Variants in INO80 observed in about 807,000 individuals in gnomAD.
The protein encoded by INO80 is chromatin-remodeling ATPase INO80.
Under a neutral mutation model 203.4 loss-of-function variants are expected in INO80, and 20 were observed. That is an observed-to-expected ratio of 0.10 (90% CI 0.07 to 0.14). INO80 has a LOEUF of 0.14. Among genes scored for constraint, INO80 ranks in the 10% least tolerant of loss-of-function variants. The pLI is 1.00. For missense variants in INO80, 1,419 were observed against 1,914.4 expected, an observed-to-expected ratio of 0.74 and a Z score of 4.83; for synonymous variants, 726 against 685.2, an observed-to-expected ratio of 1.06 and a Z score of -0.93.
intron 24 of INO80, among the ~76,000 whole-genome samples, chr15:41,032,297 A>G (rs2140492176): frequency 6.6e-6 from 1 of 152,354 alleles, no homozygotes; most frequent in East Asian, 1.9e-4. Flanking sequence ...GATACAGAGG[A>G]AAAAGTTTCA....
At chr15:41,105,405 A>G (rs539335032) in intron 1 of INO80, among the ~76,000 whole-genome samples, 2 of 152,266 alleles carry the variant, frequency 1.3e-5, no homozygotes, top group Non-Finnish European at 2.9e-5. Context: ...CAAATGTTTC[A>G]TATGTGTTTG....
intron 14 of INO80, among the ~76,000 whole-genome samples, chr15:41,065,106 T>G (rs965489587): frequency 5.3e-5 from 8 of 152,170 alleles, no homozygotes; most frequent in African/African-American, 1.9e-4. Context: ...TCAATAATTT[T>G]AAAAAGTAAA....
intron 29 of INO80, among the ~76,000 whole-genome samples, chr15:40,992,419 T>C (rs1163250312): frequency 6.6e-6 from 1 of 152,254 alleles, no homozygotes; most frequent in Non-Finnish European, 1.5e-5. Context: ...ACCATGTTTT[T>C]ACTAACCAAG....
At chr15:41,037,199 CTT>C (rs796785451) in intron 24 of INO80, among the ~76,000 whole-genome samples, 7 of 142,728 alleles carry the variant, frequency 4.9e-5, no homozygotes, top group Non-Finnish European at 3.1e-5. Flanking sequence ...CTTAATAGGA[CTT>C]TTTTTTTTTT....
chr15:40,998,310 C>T (rs2140428378), intron 28 of INO80, among the ~76,000 whole-genome samples: 1 of 152,064 alleles, frequency 6.6e-6, no homozygotes, highest in South Asian at 2.1e-4. Flanking sequence ...CGCGAGCCAC[C>T]GTGCGGGGCC....
At chr15:40,988,321 CTG>C (rs1201952924) in intron 29 of INO80, among the ~76,000 whole-genome samples, 1 of 152,126 alleles carries the variant, frequency 6.6e-6, no homozygotes, top group Admixed American at 6.5e-5. Context: ...AGAATTATCA[CTG>C]TTATTTGTGC....
intron 14 of INO80, 112 bp downstream of exon 14, chr15:41,069,458 C>G: frequency 3.3e-6 from 2 of 600,818 alleles, no homozygotes; most frequent in South Asian, 4.8e-5. Context: ...GTGTGAGCCC[C>G]CAAGTCCGGC....
chr15:41,069,523 A>C (rs184778436), intron 14 of INO80, 47 bp downstream of exon 14: 2 of 1,167,080 alleles, frequency 1.7e-6, no homozygotes, highest in South Asian at 2.7e-5. Context: ...AGAGTCAAAA[A>C]GTTTATTTTA....
intron 19 of INO80, among the ~76,000 whole-genome samples, chr15:41,051,089 A>C (rs547580010): frequency 9.7e-5 from 13 of 134,240 alleles, no homozygotes; most frequent in African/African-American, 3.5e-4. Context: ...AGATTGCACC[A>C]TTGCACTCCA....
chr15:41,099,679 G>A (rs1324438853), intron 1 of INO80, among the ~76,000 whole-genome samples: 2 of 151,964 alleles, frequency 1.3e-5, no homozygotes, highest in Non-Finnish European at 2.9e-5. Context: ...CCACTTGGGA[G>A]GCTGAGGAGG....
chr15:41,085,735 G>C (rs1446254859), intron 6 of INO80, 152 bp from the exon 7 acceptor site: 1 of 628,442 alleles, frequency 1.6e-6, no homozygotes, highest in Non-Finnish European at 2.8e-6. Context: ...AATATTCCTT[G>C]AGGAAGAAAA....
chr15:41,058,097 A>C (rs1395125269), intron 16 of INO80, among the ~76,000 whole-genome samples: 4 of 152,148 alleles, frequency 2.6e-5, no homozygotes, highest in African/African-American at 9.7e-5. Flanking sequence ...AGAGCATCCA[A>C]TCCACATAAC....
chr15:41,029,622 T>C (rs947743155), intron 24 of INO80, among the ~76,000 whole-genome samples: 3 of 152,210 alleles, frequency 2.0e-5, no homozygotes, highest in African/African-American at 7.2e-5. Context: ...TCTGACAGCT[T>C]TTCAATAACA....
chr15:41,042,293 G>A (rs2140513289), intron 24 of INO80, among the ~76,000 whole-genome samples: 1 of 151,506 alleles, frequency 6.6e-6, no homozygotes, highest in Middle Eastern at 3.4e-3. Flanking sequence ...GGATTACAAG[G>A]GTAAGCCACC....
intron 1 of INO80, among the ~76,000 whole-genome samples, chr15:41,115,055 AATTT>A (rs574357477): frequency 6.6e-5 from 10 of 152,234 alleles, no homozygotes; most frequent in Non-Finnish European, 1.2e-4. Context: ...GCTATTATTT[AATTT>A]AAGTTGCCAC....
rs192915375 is a variant in INO80 at position 41,015,869 on chromosome 15, C to T, written c.3402+219G>A. Among the ~76,000 whole-genome samples the T allele has an allele frequency of 1.4e-3, 202 of 148,926 alleles. 2 individuals are homozygous for T. Among genetic ancestry groups the T allele is most frequent in the African/African-American group, 5.0e-3 (201 of 40,480 alleles). On this transcript the variant is annotated intron_variant, in intron 27 of 35. Coordinates refer to ENST00000648947, the MANE Select transcript of INO80 (RefSeq NM_017553.3). ...GACTGGAGCAGAAGAATTCCTTGAACCTGGAAGGCAGAGGTTGCAGAGCCG... is the reference window on the plus strand; with the variant it reads ...GACTGGAGCAGAAGAATTCCTTGAATCTGGAAGGCAGAGGTTGCAGAGCCG...
At chr15:41,004,826 A>C (rs1440398272) in intron 28 of INO80, 2 of 152,228 alleles carry the variant, frequency 1.3e-5, no homozygotes, top group Non-Finnish European at 2.9e-5. Context: ...AAAGCAGGAA[A>C]ATAAAAGGTA....
chr15:41,084,911 A>G (rs2045537691), intron 7 of INO80, among the ~76,000 whole-genome samples: 1 of 152,114 alleles, frequency 6.6e-6, no homozygotes, highest in Admixed American at 6.6e-5. Context: ...TCATTTTTGT[A>G]GTTTTTGGAG....
At chr15:41,018,365 T>A (rs2044241501) in intron 26 of INO80, 1 of 152,212 alleles carries the variant, frequency 6.6e-6, no homozygotes, top group Non-Finnish European at 1.5e-5. Context: ...ACTTTGCTAA[T>A]CAGAATGAAC....
Sources: allele counts gnomAD v4.1 joint callset (sites outside exome capture counted in the v4.1 genomes callset), GRCh38; gene constraint gnomAD v4.1.1; transcripts MANE v1.5; gene names NCBI Gene and HGNC (gene_info 2026-07-23, HGNC 2026-07-21).